The following ERGIC1 variants were observed in gnomAD, a reference collection of about 807,000 sequenced individuals.
ERGIC1 encodes the protein endoplasmic reticulum-golgi intermediate compartment 1.
Under a neutral mutation model 38.3 loss-of-function variants are expected in ERGIC1, and 19 were observed. That is an observed-to-expected ratio of 0.50 (90% confidence interval 0.35 to 0.73). The LOEUF is 0.73. Among genes scored for constraint, ERGIC1 ranks in the 30% least tolerant of loss-of-function variants. The pLI is 0.01. For missense variants in ERGIC1, 294 were observed against 389.2 expected (o/e 0.76, Z 2.06); for synonymous variants, 124 against 157.6 (o/e 0.79, Z 1.60).
At position 172,834,437 on chromosome 5, in the gene ERGIC1, A is replaced by G. The variant is rs1371408997; in HGVS notation, c.20+4A>G. On this transcript the variant is annotated splice_donor_region_variant and intron_variant, in intron 1 of 9. Coordinates refer to ENST00000393784, the MANE Select transcript of ERGIC1 (RefSeq NM_001031711.3). This position sits in a 1 kb window ranked among gnomAD's most constrained non-coding sequence, Gnocchi z 4.1. ...CGATGCCCTTTGACTTCAGGAGGTG[A>G]GTGTGGCGACCCCGGCCAGTCGGGA... 7.5e-7 allele frequency: 1 copy of G among 1,332,992 alleles called. No individual in the cohort carries two copies. The highest frequency in any genetic ancestry group is 9.6e-7 in the Non-Finnish European group (1 of 1,037,544). 82.6% of individuals were successfully genotyped at this position (1,332,992 alleles called of 1,614,324 possible).
At chr5:172,941,188 T>C (rs1426739033) in intron 9 of ERGIC1, among the ~76,000 whole-genome samples, 1 of 151,180 alleles carries the variant, frequency 6.6e-6, no homozygotes, top group African/African-American at 2.4e-5. Flanking sequence ...AGTTGGAGGC[T>C]GAGACAGGAG....
intron 8 of ERGIC1, chr5:172,933,038 C>T (rs183920239): frequency 6.4e-6 from 1 of 156,478 alleles, no homozygotes; most frequent in East Asian, 1.9e-4. Flanking sequence ...GACGCCAGGC[C>T]TTAGTGGGCA....
intron 5 of ERGIC1, among the ~76,000 whole-genome samples, chr5:172,918,979 C>T (rs907007373): frequency 2.4e-4 from 36 of 152,060 alleles, no homozygotes; most frequent in Non-Finnish European, 4.9e-4. Context: ...TGTGCCTCCT[C>T]CTTGACTTGG....
At position 172,909,698 on chromosome 5, in the gene ERGIC1, A is replaced by C; in HGVS notation, c.187A>C (p.Lys63Gln). ...CGAGCTCTATGTCGATGACCCAGAC[A>C]AGGACAGCGGTGGCAAGATCGACGT... ...VNELYVDDPD[K>Q]DSGGKIDVSL... Residue 63 changes from lysine to glutamine, a missense_variant, in exon 4 of 10, where the codon AAG (lysine) becomes CAG (glutamine). Lys to Gln is a moderately conservative substitution (Grantham distance 53, BLOSUM62 1). This residue lies in a region of ERGIC1 where 163 missense variants were observed against 225.8 expected (regional missense o/e 0.72). Coordinates refer to ENST00000393784, the MANE Select transcript of ERGIC1 (RefSeq NM_001031711.3). The C allele has an allele frequency of 6.2e-7, 1 of 1,614,230 alleles. No individual in the cohort carries two copies. The highest frequency in any genetic ancestry group is 1.1e-5 in the South Asian group (1 of 91,088).
In ERGIC1 at chr5:172,858,149, T is replaced by A. The variant is rs529929356; in HGVS notation, c.20+23716T>A. On this transcript the variant is annotated intron_variant, in intron 1 of 9. Coordinates refer to ENST00000393784, the MANE Select transcript of ERGIC1 (RefSeq NM_001031711.3). The stretch of plus-strand genomic sequence containing the variant: ...ATTTGACGGCTGTCTGAAAGGTGCT[T>A]AGGGTTCACTGGGCCACTGAGAGGC... Among the ~76,000 whole-genome samples, 110 of 151,982 alleles carry A rather than the reference T, an allele frequency of 7.2e-4. 1 individual carries two copies. Among genetic ancestry groups the A allele is most frequent in the African/African-American group, 2.5e-3 (104 of 41,446 alleles).
chr5:172,888,876 GAAAT>G (rs1762487401), intron 2 of ERGIC1, 116 bp downstream of exon 2: 5 of 974,866 alleles, frequency 5.1e-6, no homozygotes, highest in Non-Finnish European at 8.2e-6. Context: ...AGGGAGGAAA[GAAAT>G]GCTGAGCATC....
intron 2 of ERGIC1, among the ~76,000 whole-genome samples, chr5:172,891,193 C>T (rs1360719413): frequency 1.3e-5 from 2 of 152,186 alleles, no homozygotes; most frequent in African/African-American, 4.8e-5. Flanking sequence ...GGGCCTGTGG[C>T]CTGAGAAGCT....
In ERGIC1 at chr5:172,888,750, C is replaced by T. The variant is rs149114698; in HGVS notation, c.72C>T (p.Thr24=). The change falls in exon 2 of 10, where the codon ACC becomes ACT. Residue 24 remains threonine, a synonymous_variant. Transcript: ENST00000393784. ...AGGACCTTACGCAGCCAACGTACAC[C>T]GGGGCCATTAGTGAGTAGCCAACCT... ...VPKDLTQPTY[T]GAIISICCCL... is the part of the protein sequence containing the mutation. The T allele has an allele frequency of 3.2e-5, 52 of 1,614,136 alleles. No homozygotes were observed. The highest frequency in any genetic ancestry group is 1.3e-4 in the Admixed American group (8 of 60,022).
rs897107176 is a variant in ERGIC1 at position 172,951,737 on chromosome 5, C to G, written c.*921C>G. On this transcript the variant is annotated 3_prime_UTR_variant, in exon 10 of 10. Coordinates refer to ENST00000393784, the MANE Select transcript of ERGIC1 (RefSeq NM_001031711.3). ...CAGATAGACATGGTTTGTGCACTTA[C>G]GTCCAGATGGGAAGCATCCTTCCTG... The G allele has an allele frequency of 3.3e-5, 5 of 152,120 alleles. No individual in the cohort carries two copies. The highest frequency in any genetic ancestry group is 1.2e-4 in the African/African-American group (5 of 41,448). 9.4% of individuals were successfully genotyped at this position (152,120 alleles called of 1,614,324 possible).
chr5:172,918,693 C>T (rs1434037015), intron 5 of ERGIC1, among the ~76,000 whole-genome samples: 2 of 152,204 alleles, frequency 1.3e-5, no homozygotes, highest in African/African-American at 2.4e-5. Flanking sequence ...GCAGGAGCCA[C>T]GTCCTTACGA....
intron 3 of ERGIC1, among the ~76,000 whole-genome samples, chr5:172,909,357 AC>A (rs1763148089): frequency 6.6e-6 from 1 of 151,720 alleles, no homozygotes; most frequent in Non-Finnish European, 1.5e-5. Context: ...ATGAGGTTTC[AC>A]CATGTTGGTC....
chr5:172,835,144 G>A (rs1456588756), intron 1 of ERGIC1, among the ~76,000 whole-genome samples: 1 of 151,962 alleles, frequency 6.6e-6, no homozygotes, highest in African/African-American at 2.4e-5. Context: ...CATTCTGGAA[G>A]CCTGCGGGGG....
intron 7 of ERGIC1, among the ~76,000 whole-genome samples, chr5:172,929,177 A>G (rs1763724267): frequency 6.9e-6 from 1 of 145,272 alleles, no homozygotes; most frequent in African/African-American, 2.7e-5. Context: ...GTGTGTATAT[A>G]AGTATACACA....
chr5:172,946,877 ATTT>A (rs10555416), intron 9 of ERGIC1, among the ~76,000 whole-genome samples: 37 of 148,748 alleles, frequency 2.5e-4, no homozygotes, highest in Non-Finnish European at 2.1e-4. Flanking sequence ...TTCTCTCAGC[ATTT>A]TTTTTTTTTT....
chr5:172,834,339 T>C lies in ERGIC1; in HGVS notation c.-75T>C. Reference sequence around the variant, plus strand: ...GGGGGCGGGGCGGCCGGAGGAGGCGTTGGCAGCGGGCTCGGACCCACGCGG... The same window carrying C: ...GGGGGCGGGGCGGCCGGAGGAGGCGCTGGCAGCGGGCTCGGACCCACGCGG... On this transcript the variant is annotated 5_prime_UTR_variant, in exon 1 of 10. Transcript: ENST00000393784. This position sits in a 1 kb window ranked among gnomAD's most constrained non-coding sequence, Gnocchi z 4.1. The C allele has an allele frequency of 4.2e-6, 5 of 1,198,144 alleles. No individual in the cohort carries two copies. The highest frequency in any genetic ancestry group is 6.3e-4 in the Middle Eastern group (2 of 3,190). The allele number at this position is 1,198,144 out of a possible 1,614,324, so 74.2% of individuals were successfully genotyped here. A position where few individuals can be genotyped will look rare whatever the true frequency, so the allele number is the denominator to read the frequency against.
At chr5:172,878,427 G>T (rs980410414) in intron 1 of ERGIC1, among the ~76,000 whole-genome samples, 3 of 152,162 alleles carry the variant, frequency 2.0e-5, no homozygotes, top group Non-Finnish European at 2.9e-5. Context: ...TGCATCTTGG[G>T]CAAGTAAAAC....
intron 3 of ERGIC1, among the ~76,000 whole-genome samples, chr5:172,902,987 C>T (rs1762922852): frequency 1.3e-5 from 2 of 151,906 alleles, no homozygotes; most frequent in Admixed American, 1.3e-4. Context: ...ACCCACACCT[C>T]CCCAGGCCCT....
Position 172,899,610 on chromosome 5 carries a change from C to T in ERGIC1, c.155+2536C>T, listed in dbSNP as rs375749610. Among the ~76,000 whole-genome samples the T allele has an allele frequency of 7.6e-4, 115 of 152,242 alleles. 1 individual carries two copies. The highest frequency in any genetic ancestry group is 2.4e-3 in the African/African-American group (101 of 41,560). On this transcript the variant is annotated intron_variant, in intron 3 of 9. Transcript: ENST00000393784. ...CTGGGATTACAGGCGTGAGCCACTGCGCCTAGCCTGGGACTCACTTCTTGA... is the reference window on the plus strand; with the variant it reads ...CTGGGATTACAGGCGTGAGCCACTGTGCCTAGCCTGGGACTCACTTCTTGA...
At chr5:172,941,316 T>C (rs990338234) in intron 9 of ERGIC1, among the ~76,000 whole-genome samples, 1 of 152,128 alleles carries the variant, frequency 6.6e-6, no homozygotes, top group Non-Finnish European at 1.5e-5. Context: ...AGTGATCATA[T>C]AGCTACCCTT....
Sources: allele counts gnomAD v4.1 joint callset (sites outside exome capture counted in the v4.1 genomes callset), GRCh38; gene constraint gnomAD v4.1.1; regional missense constraint gnomAD v4.1.1; non-coding constraint Gnocchi (gnomAD v3.1); transcripts MANE v1.5; gene names NCBI Gene and HGNC (gene_info 2026-07-23, HGNC 2026-07-21).